TTC21A: variants seen among roughly 807,000 people sequenced by gnomAD.
TTC21A encodes the protein tetratricopeptide repeat domain 21A, also known as tetratricopeptide repeat protein 21A.
Under a neutral mutation model 156.4 loss-of-function variants are expected in TTC21A, and 128 were observed. The ratio of observed to expected loss-of-function variants is 0.82; its 90% CI spans 0.71 to 0.95. The LOEUF (loss-of-function observed/expected upper bound fraction) is 0.95, where lower values mean the gene tolerates loss of function less well. TTC21A is among the 40% of genes least tolerant of loss of function. The probability of loss-of-function intolerance (pLI) is 0.00; values close to 1 mark genes in which losing one functional copy is unlikely to be tolerated. For synonymous variants in TTC21A, 587 were observed against 617.1 expected (o/e 0.95, Z 0.72); for missense variants, 1,435 against 1,602.3 (o/e 0.90, Z 1.78).
chr3:39,128,848 G>A lies in TTC21A; in HGVS notation c.1812G>A (p.Lys604=). 1.9e-6 allele frequency: 3 copies of A among 1,614,206 alleles called. No homozygotes were observed. Among genetic ancestry groups the A allele is most frequent in the African/African-American group, 1.3e-5 (1 of 75,058 alleles). Residue 604 remains lysine (K), a synonymous_variant, in exon 14 of 29, where the codon AAG becomes AAA. Transcript: ENST00000683103. Reference sequence around the variant, plus strand: ...CTCTGAAGAAGGAAGAAGGCAGAAAGTTCCTCAGGCCCTCTGTGCAGCCTA... The same window carrying A: ...CTCTGAAGAAGGAAGAAGGCAGAAAATTCCTCAGGCCCTCTGTGCAGCCTA... ...LPALKKEEGR[K]FLRPSVQPSQ...
intron 5 of TTC21A, 149 bp from the exon 6 acceptor site, chr3:39,114,436 G>GA (rs2037103405): frequency 1.5e-5 from 11 of 720,008 alleles, no homozygotes; most frequent in Non-Finnish European, 2.7e-5. Context: ...GGAACTTTGA[G>GA]GGGCTACTGG....
At position 39,137,619 on chromosome 3, in the gene TTC21A, A is replaced by T. The variant is rs2039231909; in HGVS notation, c.3584A>T (p.Lys1195Met). 6.2e-7 allele frequency: 1 copy of T among 1,614,232 alleles called. No homozygotes were observed. Among genetic ancestry groups the T allele is most frequent in the Non-Finnish European group, 8.5e-7 (1 of 1,180,024 alleles). ...WVLSEAEDLEKSWLLLADIYC... is the reference protein window; with the variant it reads ...WVLSEAEDLEMSWLLLADIYC... ...CTGAGTGAGGCTGAGGACCTGGAGA[A>T]GAGCTGGCTCCTGCTGGCTGACATT... The change falls in exon 26 of 29, where the codon AAG becomes ATG. Residue 1195 changes from lysine to methionine, a missense_variant. Transcript: ENST00000683103.
chr3:39,115,760 C>T (rs1450070625), intron 6 of TTC21A, among the ~76,000 whole-genome samples: 1 of 151,892 alleles, frequency 6.6e-6, no homozygotes, highest in African/African-American at 2.4e-5. Flanking sequence ...CACTTTTTTC[C>T]CATAAGGAGT....
At chr3:39,115,348 CAAAA>C (rs10709200) in intron 6 of TTC21A, among the ~76,000 whole-genome samples, 5,272 of 143,546 alleles carry the variant, frequency 0.037, 186 homozygotes, top group East Asian at 0.17. Flanking sequence ...TTTGGGGAAC[CAAAA>C]AAAAAAAAAA....
intron 3 of TTC21A, 108 bp downstream of exon 3, chr3:39,110,247 T>A: frequency 6.1e-6 from 5 of 823,438 alleles, no homozygotes; most frequent in Admixed American, 2.0e-5. Flanking sequence ...TGTGCCCTGG[T>A]GGCTGTGCAG....
At chr3:39,118,042 T>G in intron 6 of TTC21A, 27 bp from the exon 7 acceptor site, 1 of 1,559,664 alleles carries the variant, frequency 6.4e-7, no homozygotes, top group Non-Finnish European at 8.8e-7. Flanking sequence ...ATACTCTCAA[T>G]TCATGTGCCT....
rs1374842536 is a variant in TTC21A at position 39,137,058 on chromosome 3, CAAGT to C, written c.3257+2_3257+5del. On this transcript the variant is annotated splice_donor_variant and coding_sequence_variant, in exon 24 of 29. Coordinates refer to ENST00000683103, the MANE Select transcript of TTC21A (RefSeq NM_001366900.1). LOFTEE classifies it high-confidence loss of function. ...CTTTTGAGAACCAGGGAGCTGAGAG[CAAGT>C]AAGGGCCCATGGAGGCAGGGGCGGA... The C allele has an allele frequency of 1.2e-6, 2 of 1,613,624 alleles. No homozygotes were observed. The highest frequency in any genetic ancestry group is 1.7e-6 in the Non-Finnish European group (2 of 1,179,832).
At chr3:39,123,250 C>T (rs749838447) in intron 9 of TTC21A, among the ~76,000 whole-genome samples, 7 of 152,114 alleles carry the variant, frequency 4.6e-5, no homozygotes, top group Non-Finnish European at 8.8e-5. Context: ...ATGGATATAA[C>T]TGAAAACTAA....
intron 6 of TTC21A, among the ~76,000 whole-genome samples, chr3:39,116,116 TCCCTGG>T (rs1013028582): frequency 6.6e-6 from 1 of 152,244 alleles, no homozygotes; most frequent in African/African-American, 2.4e-5. Context: ...GTTTGTGGCC[TCCCTGG>T]CCCTGGCCCT....
rs746260257 is a variant in TTC21A at position 39,128,421 on chromosome 3, A to G, written c.1613A>G (p.Tyr538Cys). The G allele has an allele frequency of 1.9e-5, 30 of 1,614,070 alleles. No homozygotes were observed. Among genetic ancestry groups the G allele is most frequent in the Middle Eastern group, 1.6e-4 (1 of 6,084 alleles). Residue 538 changes from tyrosine to cysteine, a missense_variant, in exon 13 of 29, where the codon TAC becomes TGC. By Grantham distance (194) the Tyr-to-Cys change is radical. Transcript: ENST00000683103. ...VDAHLLMCQIYLAQGNFGMCF... is the reference protein window; with the variant it reads ...VDAHLLMCQICLAQGNFGMCF... Reference sequence around the variant, plus strand: ...GCCCATCTCCTCATGTGTCAGATCTACTTGGCTCAGGGCAACTTTGGCATG... The same window carrying G: ...GCCCATCTCCTCATGTGTCAGATCTGCTTGGCTCAGGGCAACTTTGGCATG...
chr3:39,134,898 A>C lies in TTC21A; in HGVS notation c.2863-195A>C. 1.7e-6 allele frequency: 1 copy of C among 601,288 alleles called. No individual in the cohort carries two copies. Among genetic ancestry groups the C allele is most frequent in the African/African-American group, 1.9e-5 (1 of 53,088 alleles). 37.2% of individuals were successfully genotyped at this position (601,288 alleles called of 1,614,324 possible). Reference sequence around the variant, plus strand: ...TTGCCCCTCACCTTGGGAAGTCCTCACCTTCTGGGTGGGGGCCTGAGAAAC... The same window carrying C: ...TTGCCCCTCACCTTGGGAAGTCCTCCCCTTCTGGGTGGGGGCCTGAGAAAC... On this transcript the variant is annotated intron_variant, in intron 21 of 28. Coordinates refer to ENST00000683103, the MANE Select transcript of TTC21A (RefSeq NM_001366900.1). This position sits in a 1 kb window ranked among gnomAD's most constrained non-coding sequence, Gnocchi z 4.6.
In TTC21A at chr3:39,137,254, G is replaced by C. The variant is rs368983397; in HGVS notation, c.3317G>C (p.Arg1106Pro). ...QGVSTAEKLLREFYPHSDSSQ... is the reference protein window; with the variant it reads ...QGVSTAEKLLPEFYPHSDSSQ... Reference sequence around the variant, plus strand: ...GTGAGCACCGCCGAGAAACTGCTGCGTGAGTTTTACCCACATTCAGACTCC... The same window carrying C: ...GTGAGCACCGCCGAGAAACTGCTGCCTGAGTTTTACCCACATTCAGACTCC... Residue 1106 changes from arginine to proline, a missense_variant, in exon 25 of 29, where the codon CGT becomes CCT. Physicochemically the swap from Arg to Pro is moderately radical, Grantham distance 103 (BLOSUM62 -2). Transcript: ENST00000683103. 2 of 1,614,218 alleles carry C rather than the reference G, an allele frequency of 1.2e-6. No homozygotes were observed. Among genetic ancestry groups the C allele is most frequent in the Non-Finnish European group, 1.7e-6 (2 of 1,180,044 alleles).
chr3:39,135,530 A>T (rs184123701), intron 22 of TTC21A, among the ~76,000 whole-genome samples: 14 of 152,244 alleles, frequency 9.2e-5, no homozygotes, highest in Non-Finnish European at 1.8e-4. Flanking sequence ...TGCAGCGTAA[A>T]ACCACCCCTT....
At chr3:39,129,006 TCTTTGATTCCACCCACTGTTTA>T in intron 14 of TTC21A, 44 bp from the exon 15 acceptor site, 1 of 1,606,750 alleles carries the variant, frequency 6.2e-7, no homozygotes, top group Non-Finnish European at 8.5e-7. Context: ...GGAACCAGGT[TCTTTGATTCCACCCACTGTTTA>T]CTTGTGCATC....
Position 39,112,568 on chromosome 3 carries a change from G to A in TTC21A, c.546G>A (p.Gly182=). 6.2e-7 allele frequency: 1 copy of A among 1,614,106 alleles called. No homozygotes were observed. Among genetic ancestry groups the A allele is most frequent in the Non-Finnish European group, 8.5e-7 (1 of 1,180,014 alleles). The change falls in exon 5 of 29, where the codon GGG becomes GGA. Residue 182 remains glycine, a synonymous_variant. Transcript: ENST00000683103. ...QGIQDTKDVL[G]LMGKAMYFMM... is the part of the protein sequence containing the mutation. ...TTCAGGACACCAAAGATGTGCTGGG[G>A]CTGATGGGAAAGGTGGGCAGTGGAA...
chr3:39,108,705 T>C (rs1187061448), intron 1 of TTC21A, among the ~76,000 whole-genome samples: 3 of 152,258 alleles, frequency 2.0e-5, no homozygotes, highest in Non-Finnish European at 4.4e-5. Flanking sequence ...GAGAGGACCA[T>C]GCACAGGATA....
At chr3:39,138,650 G>T (rs1436798452) in intron 28 of TTC21A, 27 bp downstream of exon 28, 1 of 1,614,022 alleles carries the variant, frequency 6.2e-7, no homozygotes, top group Admixed American at 1.7e-5. Context: ...GGTGGGGAGG[G>T]CCTGGTGTAG....
At position 39,125,559 on chromosome 3, in the gene TTC21A, G is replaced by A. The variant is rs777677787; in HGVS notation, c.1392+27G>A. ...TTAGGGGAAGGCCTGTCTTCATGGTGGGGGTCTGGAGTACAGGTTTGGATG... is the reference window on the plus strand; with the variant it reads ...TTAGGGGAAGGCCTGTCTTCATGGTAGGGGTCTGGAGTACAGGTTTGGATG... On this transcript the variant is annotated intron_variant, in intron 11 of 28. Coordinates refer to ENST00000683103, the MANE Select transcript of TTC21A (RefSeq NM_001366900.1). 3.0e-5 allele frequency: 46 copies of A among 1,541,814 alleles called. No homozygotes were observed. In the South Asian group the frequency reaches 5.0e-4, roughly 17 times the overall value.
At position 39,134,575 on chromosome 3, in the gene TTC21A, C is replaced by T. The variant is rs957759308; in HGVS notation, c.2862+247C>T. 13 of 592,552 alleles carry T rather than the reference C, an allele frequency of 2.2e-5. No individual in the cohort carries two copies. In the Admixed American group the frequency reaches 3.1e-4, roughly 14 times the overall value. 36.7% of individuals were successfully genotyped at this position (592,552 alleles called of 1,614,324 possible). On this transcript the variant is annotated intron_variant, in intron 21 of 28. Transcript: ENST00000683103. This position sits in a 1 kb window ranked among gnomAD's most constrained non-coding sequence, Gnocchi z 4.6. ...TCTAAGGTGGGGTGAGGTTGATTCA[C>T]CCCAGGGGAAAGCACATTCACTGTA... is the stretch of plus-strand genomic sequence containing the variant.
Sources: allele counts gnomAD v4.1 joint callset (sites outside exome capture counted in the v4.1 genomes callset), GRCh38; gene constraint gnomAD v4.1.1; non-coding constraint Gnocchi (gnomAD v3.1); transcripts MANE v1.5; gene names NCBI Gene and HGNC (gene_info 2026-07-23, HGNC 2026-07-21).